The following CEP112 variants were observed in gnomAD, a reference collection of about 807,000 sequenced individuals.
CEP112 encodes the protein centrosomal protein 112.
CEP112 carries 127 observed loss-of-function variants against 153.0 expected under a neutral mutation model. The observed-to-expected ratio is 0.83, with a 90% confidence interval of 0.72 to 0.96. The LOEUF (loss-of-function observed/expected upper bound fraction) is 0.96, where lower values mean the gene tolerates loss of function less well. Among genes scored for constraint, CEP112 ranks in the 40% least tolerant of loss-of-function variants. The pLI is 0.00. For synonymous variants in CEP112, 358 were observed against 374.4 expected (o/e 0.96, Z 0.51); for missense variants, 1,089 against 1,101.2 (o/e 0.99, Z 0.16).
At position 65,743,123 on chromosome 17, in the gene CEP112, T is replaced by C. The variant is rs565932269; in HGVS notation, c.2552A>G (p.Gln851Arg). The C allele has an allele frequency of 8.9e-5, 144 of 1,612,616 alleles. No individual in the cohort carries two copies. The highest frequency in any genetic ancestry group is 1.5e-4 in the South Asian group (14 of 90,602). Residue 851 changes from glutamine (Q) to arginine (R), a missense_variant, in exon 23 of 27, where the codon CAA (glutamine) becomes CGA (arginine). By Grantham distance (43) the Gln-to-Arg change is conservative. Transcript: ENST00000535342. The part of the protein sequence containing the change: ...AAERRLQDVR[Q>R]KFEDEKKQLI... The stretch of plus-strand genomic sequence containing the variant: ...CTGCTTCTTCTCATCTTCAAACTTT[T>C]GTCTAACATCCTGGAGCCGCCTTTC...
chr17:66,183,309 T>C lies in CEP112; in HGVS notation c.-8-2A>G. The stretch of plus-strand genomic sequence containing the variant: ...CACTTCCCACTTCCATAATCCAATC[T>C]GTAAAAGATTTTAAATCAAAATATT... On this transcript the variant is annotated splice_acceptor_variant, in intron 1 of 26. Coordinates refer to ENST00000535342, the MANE Select transcript of CEP112 (RefSeq NM_001199165.4). LOFTEE classifies it low-confidence loss of function (5UTR_SPLICE). 2 of 1,573,986 alleles carry C rather than the reference T, an allele frequency of 1.3e-6. No homozygotes were observed. Among genetic ancestry groups the C allele is most frequent in the South Asian group, 1.2e-5 (1 of 86,938 alleles).
intron 17 of CEP112, among the ~76,000 whole-genome samples, chr17:65,979,217 ATTTT>A (rs2063141366): frequency 9.6e-6 from 1 of 104,542 alleles, no homozygotes; most frequent in Non-Finnish European, 2.1e-5. Context: ...GGTTTTAGGC[ATTTT>A]GTTTATTTTT....
chr17:66,136,641 A>G (rs527285749), intron 4 of CEP112, among the ~76,000 whole-genome samples: 2 of 152,204 alleles, frequency 1.3e-5, no homozygotes, highest in South Asian at 4.1e-4. Flanking sequence ...GCATAAACTA[A>G]GTGCCTAGGG....
At chr17:66,028,206 G>T in intron 15 of CEP112, 107 bp downstream of exon 15, 1 of 647,108 alleles carries the variant, frequency 1.5e-6, no homozygotes, top group Non-Finnish European at 2.7e-6. Flanking sequence ...CAGAAAAGAT[G>T]ACCTGCATTT....
chr17:65,839,141 T>C (rs978569376), intron 21 of CEP112, among the ~76,000 whole-genome samples: 6 of 152,000 alleles, frequency 3.9e-5, no homozygotes, highest in African/African-American at 1.2e-4. Context: ...ACTTCCAAAC[T>C]TACTCTACAA....
chr17:66,141,632 A>G (rs2070704591), intron 4 of CEP112, among the ~76,000 whole-genome samples: 1 of 152,186 alleles, frequency 6.6e-6, no homozygotes, highest in African/African-American at 2.4e-5. Context: ...TGACTACTAT[A>G]TAGTATTTAT....
intron 1 of CEP112, among the ~76,000 whole-genome samples, chr17:66,185,658 A>G (rs117706757): frequency 0.034 from 5,192 of 152,336 alleles, 131 homozygotes; most frequent in Middle Eastern, 0.061. Context: ...AAAATTTGTT[A>G]AGTTAAAAAT....
At chr17:66,005,407 A>T (rs2064230567) in intron 17 of CEP112, among the ~76,000 whole-genome samples, 1 of 152,190 alleles carries the variant, frequency 6.6e-6, no homozygotes, top group Admixed American at 6.5e-5. Context: ...CTCATTTTTT[A>T]AAAAATATGT....
At chr17:66,019,385 T>A (rs535300236) in intron 16 of CEP112, among the ~76,000 whole-genome samples, 21 of 152,272 alleles carry the variant, frequency 1.4e-4, no homozygotes, top group African/African-American at 4.8e-4. Flanking sequence ...CTACGGAAGA[T>A]TTATGTCAGG....
chr17:66,080,825 T>C (rs1288951947), intron 8 of CEP112, among the ~76,000 whole-genome samples: 1 of 152,224 alleles, frequency 6.6e-6, no homozygotes, highest in Non-Finnish European at 1.5e-5. Flanking sequence ...TGGAATACTA[T>C]GCAGCCATAA....
intron 17 of CEP112, among the ~76,000 whole-genome samples, chr17:65,990,596 C>G (rs1001060110): frequency 6.6e-6 from 1 of 152,224 alleles, no homozygotes; most frequent in Non-Finnish European, 1.5e-5. Context: ...CTGGCCCATG[C>G]CCAGAGGTGA....
chr17:65,857,778 A>T (rs1030463439), intron 20 of CEP112, among the ~76,000 whole-genome samples: 1 of 152,136 alleles, frequency 6.6e-6, no homozygotes, highest in Non-Finnish European at 1.5e-5. Flanking sequence ...TTGCTGAATG[A>T]TGCTACCTTT....
chr17:65,915,405 G>C (rs2060439511), intron 19 of CEP112, among the ~76,000 whole-genome samples: 1 of 151,904 alleles, frequency 6.6e-6, no homozygotes, highest in Non-Finnish European at 1.5e-5. Flanking sequence ...CCAGCCCACT[G>C]CAATCATCTC....
intron 21 of CEP112, among the ~76,000 whole-genome samples, chr17:65,785,966 G>T (rs2054256403): frequency 6.6e-6 from 1 of 152,132 alleles, no homozygotes; most frequent in African/African-American, 2.4e-5. Flanking sequence ...AAAAAAGGCA[G>T]TTGGGATTTC....
intron 12 of CEP112, among the ~76,000 whole-genome samples, chr17:66,038,062 A>G (rs2065810381): frequency 7.1e-6 from 1 of 141,558 alleles, no homozygotes; most frequent in Non-Finnish European, 1.5e-5. Context: ...AGATCGCGCC[A>G]CTGTACTCTA....
intron 6 of CEP112, among the ~76,000 whole-genome samples, chr17:66,105,442 T>C (rs1470948246): frequency 6.6e-6 from 1 of 152,010 alleles, no homozygotes; most frequent in Non-Finnish European, 1.5e-5. Flanking sequence ...TTATCAATAA[T>C]AACATTCAAT....
intron 21 of CEP112, among the ~76,000 whole-genome samples, chr17:65,774,926 T>G (rs1405410332): frequency 6.6e-6 from 1 of 152,176 alleles, no homozygotes; most frequent in Non-Finnish European, 1.5e-5. Context: ...GATCCTGGTT[T>G]GCTGCTCTGC....
At chr17:65,779,211 C>T (rs961347547) in intron 21 of CEP112, among the ~76,000 whole-genome samples, 1 of 152,154 alleles carries the variant, frequency 6.6e-6, no homozygotes, top group Admixed American at 6.5e-5. Context: ...TAAAATCTTA[C>T]TAACTTAGTT....
At chr17:65,659,491 G>A (rs1212259980) in intron 24 of CEP112, among the ~76,000 whole-genome samples, 1 of 152,092 alleles carries the variant, frequency 6.6e-6, no homozygotes, top group Non-Finnish European at 1.5e-5. Context: ...TTGTCCCACC[G>A]GTGCACCCCG....
Sources: allele counts gnomAD v4.1 joint callset (sites outside exome capture counted in the v4.1 genomes callset), GRCh38; gene constraint gnomAD v4.1.1; transcripts MANE v1.5; gene names NCBI Gene and HGNC (gene_info 2026-07-23, HGNC 2026-07-21).